The following RARB variants were observed in gnomAD, a reference collection of about 807,000 sequenced individuals.
RARB encodes HBV-activated protein.
A neutral mutation model predicts 51.9 loss-of-function variants in RARB; 17 were observed. The observed-to-expected ratio is 0.33, with a 90% CI of 0.22 to 0.49. The LOEUF is 0.49. Ranked by LOEUF, RARB falls within the 20% of genes least tolerant of loss-of-function variation. The probability of loss-of-function intolerance (pLI) is 0.99; values close to 1 mark genes in which losing one functional copy is unlikely to be tolerated. For missense variants in RARB, 369 were observed against 550.8 expected (o/e 0.67, Z 3.30); for synonymous variants, 215 against 195.4 (o/e 1.10, Z -0.84).
At chr3:25,502,234 G>C (rs1239885378) in intron 3 of RARB, among the ~76,000 whole-genome samples, 2 of 152,184 alleles carry the variant, frequency 1.3e-5, no homozygotes, top group African/African-American at 4.8e-5. Context: ...TGCCCTCCAG[G>C]AGCATAGGAT....
At chr3:25,577,473 G>A (rs1056164880) in intron 4 of RARB, among the ~76,000 whole-genome samples, 1 of 152,210 alleles carries the variant, frequency 6.6e-6, no homozygotes, top group Admixed American at 6.5e-5. Flanking sequence ...CAGTCTCCAG[G>A]ATGGTGGAAG....
chr3:24,834,744 G>A (rs1702320540), intron 1 of RARB, among the ~76,000 whole-genome samples: 1 of 152,164 alleles, frequency 6.6e-6, no homozygotes, highest in African/African-American at 2.4e-5. Context: ...GATAGAAGCA[G>A]TTTTATTCAC....
At chr3:25,497,005 C>T (rs1023930164) in intron 2 of RARB, among the ~76,000 whole-genome samples, 1 of 152,230 alleles carries the variant, frequency 6.6e-6, no homozygotes, top group Non-Finnish European at 1.5e-5. Flanking sequence ...CTGCCTCAGC[C>T]TCCCGAGTAG....
At chr3:25,051,708 A>T (rs1404870913) in intron 2 of RARB, among the ~76,000 whole-genome samples, 1 of 152,190 alleles carries the variant, frequency 6.6e-6, no homozygotes, top group East Asian at 1.9e-4. Flanking sequence ...TGAGACAAGC[A>T]TATAAACAAA....
rs187025439 is a variant in RARB at position 25,417,362 on chromosome 3, T to C, written c.179-43831T>C. On this transcript the variant is annotated intron_variant, in intron 5 of 11. Transcript: ENST00000383772. ...AAGGAAGAAAAGTAGGTCAGTGATA[T>C]GGTTTGGCTGTGTCCCTACCCAGAT... Among the ~76,000 whole-genome samples the C allele has an allele frequency of 3.2e-3, 488 of 152,182 alleles. 4 individuals carry two copies. The highest frequency in any genetic ancestry group is 0.011 in the African/African-American group (472 of 41,508).
intron 1 of RARB, among the ~76,000 whole-genome samples, chr3:24,834,507 T>G (rs1205140012): frequency 2.0e-5 from 3 of 152,174 alleles, no homozygotes; most frequent in Non-Finnish European, 4.4e-5. Context: ...CCAGAACTGT[T>G]GTAGCAGGCT....
intron 5 of RARB, among the ~76,000 whole-genome samples, chr3:25,383,112 A>T (rs1425711453): frequency 6.6e-6 from 1 of 152,204 alleles, no homozygotes; most frequent in African/African-American, 2.4e-5. Flanking sequence ...GTGTTTGATC[A>T]GGATGTTATA....
chr3:25,090,028 T>A (rs1699169302), intron 3 of RARB, among the ~76,000 whole-genome samples: 1 of 152,130 alleles, frequency 6.6e-6, no homozygotes, highest in Non-Finnish European at 1.5e-5. Context: ...CAGAAAGATA[T>A]ACATTAACCG....
Position 25,020,246 on chromosome 3 carries a change from G to A in RARB, c.-379-39879G>A, listed in dbSNP as rs547350841. Reference sequence around the variant, plus strand: ...ATGATCCCACTGCTGATCAGCACATGAGTTTTGACAGGCTCTGTTTCTGAC... The same window carrying A: ...ATGATCCCACTGCTGATCAGCACATAAGTTTTGACAGGCTCTGTTTCTGAC... On this transcript the variant is annotated intron_variant, in intron 2 of 11. Coordinates refer to the RARB transcript ENST00000383772. 2.0e-4 allele frequency: 31 copies of A among 152,054 alleles called. No homozygotes were observed. The East Asian group carries it at 5.6e-3, about 28-fold the overall frequency. 9.4% of individuals were successfully genotyped at this position (152,054 alleles called of 1,614,324 possible). A position where few individuals can be genotyped will look rare whatever the true frequency, so the allele number is the denominator to read the frequency against.
intron 3 of RARB, among the ~76,000 whole-genome samples, chr3:25,502,423 T>C (rs1179214286): frequency 6.6e-6 from 1 of 152,210 alleles, no homozygotes; most frequent in Non-Finnish European, 1.5e-5. Flanking sequence ...CTGGGAATCT[T>C]GCCCTCTGCT....
intron 2 of RARB, among the ~76,000 whole-genome samples, chr3:24,931,768 G>A (rs968238840): frequency 2.6e-5 from 4 of 151,966 alleles, no homozygotes; most frequent in Admixed American, 6.6e-5. Flanking sequence ...GACTTGAGCA[G>A]TGCCACTGCC....
intron 4 of RARB, among the ~76,000 whole-genome samples, chr3:25,170,019 A>G (rs559314171): frequency 6.6e-6 from 1 of 152,054 alleles, no homozygotes; most frequent in East Asian, 1.9e-4. Flanking sequence ...GAAAGAAAAA[A>G]AAAAAGAAAT....
chr3:25,184,156 G>A (rs1415586949), intron 5 of RARB, among the ~76,000 whole-genome samples: 1 of 149,778 alleles, frequency 6.7e-6, no homozygotes, highest in African/African-American at 2.5e-5. Context: ...TCTAGTTATT[G>A]CCCAAATCTG....
intron 2 of RARB, 62 bp from the exon 3 acceptor site, chr3:25,501,120 T>G: frequency 6.6e-7 from 1 of 1,520,230 alleles, no homozygotes; most frequent in Non-Finnish European, 8.8e-7. Flanking sequence ...TAAGGTTGGC[T>G]TTGATTTCTG....
intron 5 of RARB, among the ~76,000 whole-genome samples, chr3:25,326,906 G>A (rs1559358466): frequency 1.3e-5 from 2 of 151,744 alleles, no homozygotes; most frequent in East Asian, 1.9e-4. Flanking sequence ...TGTTACATAC[G>A]TATACATGTG....
intron 5 of RARB, among the ~76,000 whole-genome samples, chr3:25,394,453 T>G (rs1707060102): frequency 6.6e-6 from 1 of 152,194 alleles, no homozygotes; most frequent in Non-Finnish European, 1.5e-5. Flanking sequence ...TGTTTCTTTG[T>G]TGACTTTCTG....
intron 2 of RARB, among the ~76,000 whole-genome samples, chr3:24,878,701 G>A (rs1177491924): frequency 1.3e-5 from 2 of 152,116 alleles, no homozygotes; most frequent in Admixed American, 6.5e-5. Context: ...TGCCAAATGT[G>A]TCTTGGAGTC....
intron 3 of RARB, among the ~76,000 whole-genome samples, chr3:25,110,145 A>T (rs772350321): frequency 6.6e-6 from 1 of 152,218 alleles, no homozygotes; most frequent in Non-Finnish European, 1.5e-5. Flanking sequence ...CCTCCAAAAA[A>T]ATCCCTACAA....
chr3:25,577,171 C>G (rs1700970435), intron 4 of RARB, among the ~76,000 whole-genome samples: 1 of 152,146 alleles, frequency 6.6e-6, no homozygotes, highest in Admixed American at 6.5e-5. Flanking sequence ...ACACCCCAAC[C>G]CAACTGTGTG....
Sources: gnomAD v4.1 joint callset for allele counts (sites outside exome capture counted in the v4.1 genomes callset) on GRCh38, gnomAD v4.1.1 for gene constraint, MANE v1.5 for transcripts, NCBI Gene and HGNC (gene_info 2026-07-23, HGNC 2026-07-21) for gene names.